The following CNBD2 variants were observed in gnomAD, a reference collection of about 807,000 sequenced individuals.
CNBD2 encodes cyclic nucleotide binding domain containing 2.
A neutral mutation model predicts 63.7 loss-of-function variants in CNBD2; 64 were observed. The ratio of observed to expected loss-of-function variants is 1.00; its 90% CI spans 0.82 to 1.24. The LOEUF (loss-of-function observed/expected upper bound fraction) is 1.24. Ranked by LOEUF, CNBD2 falls within the 50% of genes most tolerant of loss-of-function variation. The pLI is 0.00. For missense variants in CNBD2, 691 were observed against 713.5 expected (o/e 0.97, Z 0.36); for synonymous variants, 229 against 255.4 (o/e 0.90, Z 0.99).
intron 11 of CNBD2, 29 bp from the exon 12 acceptor site, chr20:36,030,328 G>C: frequency 1.2e-6 from 2 of 1,610,588 alleles, no homozygotes; most frequent in South Asian, 2.2e-5. Flanking sequence ...ACTGGCATGA[G>C]AACCTCGGCT....
chr20:36,018,538 C>T (rs2057165696), intron 10 of CNBD2, among the ~76,000 whole-genome samples: 1 of 152,192 alleles, frequency 6.6e-6, no homozygotes, highest in South Asian at 2.1e-4. Context: ...CTGGCTTCAG[C>T]TGTAGGAGAA....
chr20:35,987,736 TAGAA>T, intron 7 of CNBD2, among the ~76,000 whole-genome samples: 1 of 152,338 alleles, frequency 6.6e-6, no homozygotes, highest in South Asian at 2.1e-4. Flanking sequence ...GCTATTGTGT[TAGAA>T]AGAGGACCAA....
At chr20:35,980,961 C>T (rs888997645) in intron 4 of CNBD2, among the ~76,000 whole-genome samples, 1 of 152,088 alleles carries the variant, frequency 6.6e-6, no homozygotes, top group Non-Finnish European at 1.5e-5. Flanking sequence ...AAAGAAACAG[C>T]GCTGAAGCTC....
intron 11 of CNBD2, 80 bp from the exon 12 acceptor site, chr20:36,030,277 A>C: frequency 3.0e-6 from 4 of 1,343,422 alleles, no homozygotes; most frequent in Non-Finnish European, 4.2e-6. Flanking sequence ...CCACATGCTT[A>C]GGGAGGGGAG....
downstream of CNBD2, chr20:35,959,069 A>G (rs1042774307): frequency 1.3e-5 from 2 of 152,224 alleles, no homozygotes; most frequent in Non-Finnish European, 2.9e-5. Context: ...TACAAATAGA[A>G]CTGCTATGAG....
At chr20:35,961,017 C>T (rs1002366268) in intron 2 of CNBD2, among the ~76,000 whole-genome samples, 4 of 152,080 alleles carry the variant, frequency 2.6e-5, no homozygotes, top group Non-Finnish European at 2.9e-5. Context: ...GCAACCTCTG[C>T]CTCCCAGGTT....
intron 10 of CNBD2, among the ~76,000 whole-genome samples, chr20:36,014,628 C>T (rs1242734878): frequency 2.0e-5 from 3 of 149,000 alleles, no homozygotes; most frequent in African/African-American, 5.0e-5. Context: ...TGGACCTGGC[C>T]TCTTTTATTT....
chr20:35,960,766 CT>C, intron 2 of CNBD2, among the ~76,000 whole-genome samples: 1 of 89,084 alleles, frequency 1.1e-5, no homozygotes, highest in African/African-American at 6.3e-5. Flanking sequence ...CTCTTCCCTT[CT>C]CTTCCCTTCT....
At chr20:35,983,660 T>C (rs1182476262) in intron 4 of CNBD2, among the ~76,000 whole-genome samples, 1 of 152,232 alleles carries the variant, frequency 6.6e-6, no homozygotes, top group African/African-American at 2.4e-5. Flanking sequence ...TACTAACCCA[T>C]TCATTGCTTT....
At chr20:36,029,462 C>G (rs1321557364) in intron 11 of CNBD2, among the ~76,000 whole-genome samples, 1 of 152,092 alleles carries the variant, frequency 6.6e-6, no homozygotes, top group Non-Finnish European at 1.5e-5. Flanking sequence ...GGAGGAGGAC[C>G]CTGGCTTGCA....
intron 8 of CNBD2, among the ~76,000 whole-genome samples, chr20:36,006,803 G>A (rs1399997830): frequency 6.6e-6 from 1 of 152,130 alleles, no homozygotes; most frequent in Non-Finnish European, 1.5e-5. Flanking sequence ...CCGCCTCCCA[G>A]TCAATCTCTA....
At chr20:35,964,980 C>T (rs954709809), upstream of CNBD2, among the ~76,000 whole-genome samples, 11 of 152,228 alleles carry the variant, frequency 7.2e-5, no homozygotes, top group East Asian at 1.9e-4. Flanking sequence ...GGATTACATA[C>T]GTGAGCCACC....
intron 8 of CNBD2, among the ~76,000 whole-genome samples, chr20:36,001,594 C>T (rs1244022856): frequency 6.6e-6 from 1 of 151,218 alleles, no homozygotes; most frequent in Non-Finnish European, 1.5e-5. Flanking sequence ...CTCCTCACTT[C>T]TCAGACGGGG....
chr20:35,969,996 G>C lies in CNBD2; in HGVS notation c.51+1183G>C, dbSNP rs183237457. Among the ~76,000 whole-genome samples, 20 of 152,136 alleles carry C rather than the reference G, an allele frequency of 1.3e-4. No individual in the cohort carries two copies. In the East Asian group the frequency reaches 3.7e-3, roughly 28 times the overall value. ...ATTATTTCTAGCAATGTTAAAAATG[G>C]TTTCACAATTTGGCTGGGGCATGAA... On this transcript the variant is annotated intron_variant, in intron 1 of 11. Transcript: ENST00000373973.
chr20:36,016,181 A>G (rs2057130107), intron 10 of CNBD2, among the ~76,000 whole-genome samples: 4 of 152,338 alleles, frequency 2.6e-5, no homozygotes, highest in East Asian at 1.9e-4. Context: ...AAAATACTCA[A>G]TGAGTACCCT....
chr20:36,012,102 C>T lies in CNBD2; in HGVS notation c.1269+845C>T, dbSNP rs1242609351. Among the ~76,000 whole-genome samples, 3 of 151,952 alleles carry T rather than the reference C, an allele frequency of 2.0e-5. No individual in the cohort carries two copies. The East Asian group carries it at 5.8e-4, about 29-fold the overall frequency. On this transcript the variant is annotated intron_variant, in intron 10 of 11. Coordinates refer to ENST00000373973, the MANE Select transcript of CNBD2 (RefSeq NM_001365709.1). ...ATCACTTGAGGTCAGGAGTTCAAGA[C>T]CAGACTGGCCAACATGGTGAAACCC...
rs2147331128 is a variant in CNBD2, at chr20:36,011,184, C to T, written c.1196C>T (p.Pro399Leu). Reference protein sequence around the residue: ...SIKCAMINIKPGELPKEAAVG... With the variant: ...SIKCAMINIKLGELPKEAAVG... ...AAATGTGCCATGATCAATATCAAGC[C>T]TGGTGAGCTCCCCAAGGAGGCTGCA... is the stretch of plus-strand genomic sequence containing the variant. The change falls in exon 10 of 12, where the codon CCT becomes CTT. Residue 399 changes from proline (P) to leucine (L), a missense_variant. Physicochemically the swap from Pro to Leu is moderately conservative, Grantham distance 98. Coordinates refer to ENST00000373973, the MANE Select transcript of CNBD2 (RefSeq NM_001365709.1). The T allele has an allele frequency of 6.3e-7, 1 of 1,599,002 alleles. No homozygotes were observed. The highest frequency in any genetic ancestry group is 8.5e-7 in the Non-Finnish European group (1 of 1,172,072).
At chr20:35,976,868 A>G (rs2147220976) in intron 3 of CNBD2, among the ~76,000 whole-genome samples, 1 of 152,316 alleles carries the variant, frequency 6.6e-6, no homozygotes, top group Non-Finnish European at 1.5e-5. Flanking sequence ...GGGAAAGAAA[A>G]GAACTTTATA....
At chr20:35,999,852 T>C (rs1388192246) in intron 8 of CNBD2, among the ~76,000 whole-genome samples, 1 of 152,120 alleles carries the variant, frequency 6.6e-6, no homozygotes, top group Non-Finnish European at 1.5e-5. Context: ...TAATTTTGTG[T>C]ATTTTTAGTA....
Sources: gnomAD v4.1 joint callset for allele counts (sites outside exome capture counted in the v4.1 genomes callset) on GRCh38, gnomAD v4.1.1 for gene constraint, MANE v1.5 for transcripts, NCBI Gene and HGNC (gene_info 2026-07-23, HGNC 2026-07-21) for gene names.